The following MICAL2 variants were observed in gnomAD, a reference collection of about 807,000 sequenced individuals.
The protein encoded by MICAL2 is microtubule associated monooxygenase, calponin and LIM domain containing 2, also known as [F-actin]-monooxygenase MICAL2.
In MICAL2, 77 loss-of-function variants were observed where a neutral mutation model predicts 127.3. The ratio of observed to expected loss-of-function variants is 0.60; its 90% CI spans 0.50 to 0.73. The LOEUF is 0.73. Among genes scored for constraint, MICAL2 ranks in the 30% least tolerant of loss-of-function variants. MICAL2 has a pLI of 0.00. For missense variants in MICAL2, 1,351 were observed against 1,434.4 expected, an observed-to-expected ratio of 0.94 and a Z score of 0.94; for synonymous variants, 570 against 551.1, an observed-to-expected ratio of 1.03 and a Z score of -0.48.
At chr11:12,174,230 A>G (rs1856587244) in intron 3 of MICAL2, among the ~76,000 whole-genome samples, 1 of 152,116 alleles carries the variant, frequency 6.6e-6, no homozygotes, top group African/African-American at 2.4e-5. Context: ...TTTAAAATGT[A>G]TAATTTGGTA....
chr11:12,279,257 T>TCCAACG (rs1448955895), intron 1 of MICAL2, among the ~76,000 whole-genome samples: 1 of 152,118 alleles, frequency 6.6e-6, no homozygotes, highest in Non-Finnish European at 1.5e-5. Flanking sequence ...AAATGACCTT[T>TCCAACG]GGACTTTCCA....
intron 3 of MICAL2, among the ~76,000 whole-genome samples, chr11:12,172,051 G>T (rs1219131119): frequency 6.6e-6 from 1 of 152,170 alleles, no homozygotes; most frequent in Admixed American, 6.5e-5. Context: ...GTGGCTAGCG[G>T]CTGTCAAATT....
chr11:12,351,177 G>GA (rs1939038603), intron 33 of MICAL2, among the ~76,000 whole-genome samples: 1 of 152,156 alleles, frequency 6.6e-6, no homozygotes, highest in African/African-American at 2.4e-5. Flanking sequence ...CATGGGTTAG[G>GA]ACGTGGACAT....
chr11:12,203,560 C>T (rs942050224), intron 3 of MICAL2, among the ~76,000 whole-genome samples: 2 of 152,214 alleles, frequency 1.3e-5, no homozygotes, highest in Admixed American at 6.5e-5. Context: ...TATATCTTCT[C>T]TGAAGAAAGG....
intron 7 of MICAL2, among the ~76,000 whole-genome samples, chr11:12,215,847 C>A (rs912919858): frequency 6.6e-6 from 1 of 152,206 alleles, no homozygotes; most frequent in African/African-American, 2.4e-5. Context: ...GCACAGTGGA[C>A]AGGACTTGGA....
chr11:12,222,409 C>T (rs1364970144), intron 10 of MICAL2, among the ~76,000 whole-genome samples: 1 of 152,210 alleles, frequency 6.6e-6, no homozygotes, highest in Non-Finnish European at 1.5e-5. Context: ...ATCCCCGTCA[C>T]CCAGGCGCCC....
chr11:12,305,500 C>CG (rs1864098884), intron 29 of MICAL2, among the ~76,000 whole-genome samples: 1 of 122,360 alleles, frequency 8.2e-6, no homozygotes, highest in East Asian at 2.9e-4. Flanking sequence ...TTTACTACTA[C>CG]ATTTTTTTAC....
intron 4 of MICAL2, among the ~76,000 whole-genome samples, chr11:12,207,482 G>A (rs1219459222): frequency 1.3e-5 from 2 of 152,242 alleles, no homozygotes; most frequent in Non-Finnish European, 2.9e-5. Flanking sequence ...GTTTTGAAGT[G>A]TGGGTAAGAG....
chr11:12,224,750 G>A lies in MICAL2; in HGVS notation c.1618G>A (p.Asp540Asn), dbSNP rs757968579. 1.2e-5 allele frequency: 20 copies of A among 1,614,072 alleles called. No individual in the cohort carries two copies. In the East Asian group the frequency reaches 1.6e-4, roughly 13 times the overall value. The change falls in exon 13 of 28, where the codon GAC becomes AAC. Residue 540 changes from aspartate to asparagine, a missense_variant. Physicochemically the swap from Asp to Asn is conservative, Grantham distance 23. Around this residue, in one of 2 missense-constraint regions of MICAL2, gnomAD observed 599 missense variants for 714.9 expected, o/e 0.84. Transcript: ENST00000683283. ...GGGCTACCAGCATGTCAACGTCACC[G>A]ACCTGACCACATCCTGGCGCAGTGG... ...TEGYQHVNVT[D>N]LTTSWRSGLA...
intron 5 of MICAL2, 66 bp from the exon 6 acceptor site, chr11:12,209,431 C>A: frequency 2.4e-6 from 3 of 1,270,356 alleles, no homozygotes; most frequent in Non-Finnish European, 2.3e-6. Context: ...AGCCACCACA[C>A]GGGGGGTATA....
chr11:12,152,317 A>AG (rs1853682725), intron 2 of MICAL2, among the ~76,000 whole-genome samples: 2 of 147,074 alleles, frequency 1.4e-5, no homozygotes, highest in Non-Finnish European at 3.0e-5. Flanking sequence ...AAAAAAAAAA[A>AG]AAAAAAAGAA....
At chr11:12,356,980 G>C (rs1459502875) in intron 34 of MICAL2, among the ~76,000 whole-genome samples, 3 of 152,338 alleles carry the variant, frequency 2.0e-5, no homozygotes, top group South Asian at 2.1e-4. Context: ...GACATTACCT[G>C]TCCCCTTTGG....
intron 1 of MICAL2, among the ~76,000 whole-genome samples, chr11:12,112,121 A>C (rs2133403581): frequency 6.6e-6 from 1 of 152,286 alleles, no homozygotes; most frequent in East Asian, 1.9e-4. Flanking sequence ...GTCACACAAC[A>C]AGTGTCTGAG....
chr11:12,177,541 G>T (rs1466881142), intron 3 of MICAL2, among the ~76,000 whole-genome samples: 2 of 152,040 alleles, frequency 1.3e-5, no homozygotes, highest in African/African-American at 4.8e-5. Context: ...GTTTCCTGTG[G>T]CTTTGGTGTC....
At chr11:12,294,015 A>G, downstream of MICAL2, 1 of 1,614,152 alleles carries the variant, frequency 6.2e-7, no homozygotes, top group Non-Finnish European at 8.5e-7. Context: ...TTGGATTGGA[A>G]TGACTCCATC....
rs754014498 is a variant in MICAL2 at position 12,223,392 on chromosome 11, A to C, written c.1450-19A>C. Reference sequence around the variant, plus strand: ...TTTGGGGGAAAACTGGTGGGCAAGCATGTCTCTCTTGCTCATAGGTGAAGC... The same window carrying C: ...TTTGGGGGAAAACTGGTGGGCAAGCCTGTCTCTCTTGCTCATAGGTGAAGC... On this transcript the variant is annotated intron_variant, in intron 11 of 27. Coordinates refer to ENST00000683283, the MANE Select transcript of MICAL2 (RefSeq NM_001282663.2). 7.5e-6 allele frequency: 12 copies of C among 1,603,978 alleles called. No homozygotes were observed. The highest frequency in any genetic ancestry group is 2.2e-5 in the South Asian group (2 of 90,806).
At chr11:12,297,843 C>T (rs569226176) in intron 29 of MICAL2, among the ~76,000 whole-genome samples, 23 of 152,030 alleles carry the variant, frequency 1.5e-4, no homozygotes, top group African/African-American at 5.5e-4. Context: ...TATTTCCACA[C>T]CATCTATTAT....
chr11:12,180,200 G>T (rs925686423), intron 3 of MICAL2, among the ~76,000 whole-genome samples: 2 of 152,068 alleles, frequency 1.3e-5, no homozygotes, highest in African/African-American at 4.8e-5. Context: ...AGATGTGGTG[G>T]GTTGCCATCT....
At chr11:12,186,186 GA>G (rs1565120301) in intron 3 of MICAL2, among the ~76,000 whole-genome samples, 1 of 152,250 alleles carries the variant, frequency 6.6e-6, no homozygotes, top group Admixed American at 6.5e-5. Flanking sequence ...GTGGGTTTTG[GA>G]AAACAAACAA....
Sources: gnomAD v4.1 joint callset for allele counts (sites outside exome capture counted in the v4.1 genomes callset) on GRCh38, gnomAD v4.1.1 for gene constraint, gnomAD v4.1.1 regional missense constraint, MANE v1.5 for transcripts, NCBI Gene and HGNC (gene_info 2026-07-23, HGNC 2026-07-21) for gene names.